MYO5B: variants seen among roughly 807,000 people sequenced by gnomAD.
The protein encoded by MYO5B is unconventional myosin-Vb.
Under a neutral mutation model 229.3 loss-of-function variants are expected in MYO5B, and 143 were observed. The observed-to-expected ratio is 0.62, with a 90% CI of 0.54 to 0.72. MYO5B has a LOEUF of 0.72. MYO5B is among the 30% of genes least tolerant of loss of function. The pLI, the probability that MYO5B is intolerant of heterozygous loss-of-function variation, is 0.00. For missense variants in MYO5B, 2,321 were observed against 2,331.0 expected (o/e 1.00, Z 0.09); for synonymous variants, 918 against 885.2 (o/e 1.04, Z -0.66).
At chr18:49,852,736 A>C (rs2024216609) in intron 31 of MYO5B, among the ~76,000 whole-genome samples, 1 of 152,022 alleles carries the variant, frequency 6.6e-6, no homozygotes, top group African/African-American at 2.4e-5. Context: ...CCCCTCTGCC[A>C]GTCTCCATGA....
intron 18 of MYO5B, among the ~76,000 whole-genome samples, chr18:49,908,936 A>T (rs554030498): frequency 6.6e-6 from 1 of 152,198 alleles, no homozygotes; most frequent in African/African-American, 2.4e-5. Flanking sequence ...TTTCTCCCCT[A>T]AACAACCACA....
At chr18:49,832,060 G>A (rs1430710843) in intron 39 of MYO5B, among the ~76,000 whole-genome samples, 1 of 152,164 alleles carries the variant, frequency 6.6e-6, no homozygotes, top group Non-Finnish European at 1.5e-5. Flanking sequence ...TGAAGGGAAG[G>A]GAGAATATTA....
intron 4 of MYO5B, among the ~76,000 whole-genome samples, chr18:50,025,825 A>G (rs930228859): frequency 6.6e-6 from 1 of 152,176 alleles, no homozygotes. Flanking sequence ...CCAGTCCACA[A>G]AGATCACTGC....
At chr18:49,883,728 T>C (rs1367578854) in intron 22 of MYO5B, among the ~76,000 whole-genome samples, 1 of 152,172 alleles carries the variant, frequency 6.6e-6, no homozygotes, top group Non-Finnish European at 1.5e-5. Context: ...TTTTAAAACT[T>C]ACTAGAAGAT....
rs550714440 is a variant in MYO5B at position 49,857,771 on chromosome 18, G to A, written c.3945-881C>T. Among the ~76,000 whole-genome samples, 5 of 152,296 alleles carry A rather than the reference G, an allele frequency of 3.3e-5. No homozygotes were observed. In the South Asian group the frequency reaches 8.3e-4, roughly 25 times the overall value. ...CTCCTGGAGGTCAGGTGTGTCCAAT[G>A]TTCCACCTCCACCTAGGTCCTCAAC... On this transcript the variant is annotated intron_variant, in intron 29 of 39. Transcript: ENST00000285039.
rs1332381286 is a variant in MYO5B, at chr18:49,953,248, G to A, written c.1752+12C>T. 6.2e-7 allele frequency: 1 copy of A among 1,612,744 alleles called. No homozygotes were observed. Among genetic ancestry groups the A allele is most frequent in the African/African-American group, 1.3e-5 (1 of 74,822 alleles). ...CATTCCTGCTCCACTCCCCACTTCT[G>A]ACACTCTTTACCTTGCTGGCCTTCA... is the stretch of plus-strand genomic sequence containing the variant. On this transcript the variant is annotated intron_variant, in intron 14 of 39. Transcript: ENST00000285039.
chr18:49,927,897 G>A (rs1434852669), intron 17 of MYO5B, among the ~76,000 whole-genome samples: 1 of 152,104 alleles, frequency 6.6e-6, no homozygotes, highest in Non-Finnish European at 1.5e-5. Context: ...AAGTAGACGG[G>A]ACTTAAACTA....
At chr18:49,901,748 A>G (rs1197872262) in intron 21 of MYO5B, among the ~76,000 whole-genome samples, 1 of 152,254 alleles carries the variant, frequency 6.6e-6, no homozygotes, top group Non-Finnish European at 1.5e-5. Flanking sequence ...CAGAAGGGCA[A>G]AGTGATGCAG....
rs75672506 is a variant in MYO5B at position 50,083,304 on chromosome 18, G to A, written c.28-27926C>T. Among the ~76,000 whole-genome samples the A allele has an allele frequency of 2.0e-5, 3 of 152,194 alleles. No individual in the cohort carries two copies. The East Asian group carries it at 5.8e-4, about 29-fold the overall frequency. ...GAGTTTTTTAAAGTTTCATGACATG[G>A]GCATGACAGATTAGCCATTGATGAT... is the stretch of plus-strand genomic sequence containing the variant. On this transcript the variant is annotated intron_variant, in intron 1 of 39. Coordinates refer to ENST00000285039, the MANE Select transcript of MYO5B (RefSeq NM_001080467.3).
chr18:49,881,892 G>A (rs181934767), intron 22 of MYO5B, among the ~76,000 whole-genome samples: 1 of 152,142 alleles, frequency 6.6e-6, no homozygotes, highest in East Asian at 1.9e-4. Flanking sequence ...TTTTTAAAAA[G>A]TAACAATTCA....
In MYO5B at chr18:49,868,358, T is replaced by C. The variant is rs765094147; in HGVS notation, c.3603+3809A>G. 3.7e-4 allele frequency among the ~76,000 whole-genome samples: 56 copies of C among 152,202 alleles called. 1 individual carries two copies. The highest frequency in any genetic ancestry group is 7.3e-5 in the Non-Finnish European group (5 of 68,028). On this transcript the variant is annotated intron_variant, in intron 27 of 39. Transcript: ENST00000285039. ...TCGAAGGATCTTCTCAACTGAGTCTTTTCTGATGCACGTTCAACATTGGAT... is the reference window on the plus strand; with the variant it reads ...TCGAAGGATCTTCTCAACTGAGTCTCTTCTGATGCACGTTCAACATTGGAT...
chr18:49,979,817 C>A (rs1330045459), intron 9 of MYO5B, among the ~76,000 whole-genome samples: 1 of 152,198 alleles, frequency 6.6e-6, no homozygotes, highest in African/African-American at 2.4e-5. Context: ...GAAGGCACAG[C>A]AATTGCTGTG....
intron 4 of MYO5B, among the ~76,000 whole-genome samples, chr18:50,009,260 C>G (rs2026136461): frequency 6.6e-6 from 1 of 152,066 alleles, no homozygotes; most frequent in African/African-American, 2.4e-5. Flanking sequence ...TGCTTGTAAT[C>G]CCAGCTACTT....
intron 1 of MYO5B, among the ~76,000 whole-genome samples, chr18:50,188,796 A>ACACAC (rs1381403631): frequency 2.4e-5 from 3 of 125,192 alleles, no homozygotes; most frequent in Admixed American, 7.9e-5. Flanking sequence ...AAAAAAAAAA[A>ACACAC]AAAAAAAAAA....
chr18:49,954,180 G>C, intron 13 of MYO5B, 133 bp downstream of exon 13: 1 of 1,358,786 alleles, frequency 7.4e-7, no homozygotes, highest in South Asian at 1.2e-5. Context: ...AAAAGAGGAT[G>C]GAAGGGGAAC....
At chr18:49,889,252 A>G (rs1250403506) in intron 22 of MYO5B, among the ~76,000 whole-genome samples, 1 of 152,232 alleles carries the variant, frequency 6.6e-6, no homozygotes, top group East Asian at 1.9e-4. Context: ...CACTCTTCAA[A>G]TGCATCTAAT....
At chr18:50,088,265 A>G (rs1325182824) in intron 1 of MYO5B, among the ~76,000 whole-genome samples, 1 of 152,182 alleles carries the variant, frequency 6.6e-6, no homozygotes, top group Non-Finnish European at 1.5e-5. Flanking sequence ...GCTGTAAGCT[A>G]CTGGAGGCTA....
At chr18:49,974,279 T>TG in intron 10 of MYO5B, 71 bp downstream of exon 10, 1 of 1,606,116 alleles carries the variant, frequency 6.2e-7, no homozygotes, top group Non-Finnish European at 8.5e-7. Context: ...CCAATGCCCC[T>TG]GCTGGCTGTA....
At chr18:50,038,575 G>A (rs935530572) in intron 3 of MYO5B, among the ~76,000 whole-genome samples, 2 of 152,130 alleles carry the variant, frequency 1.3e-5, no homozygotes, top group Non-Finnish European at 2.9e-5. Context: ...CACGTAGCAC[G>A]CAATTCACAT....
Sources: gnomAD v4.1 joint callset for allele counts (sites outside exome capture counted in the v4.1 genomes callset) on GRCh38, gnomAD v4.1.1 for gene constraint, MANE v1.5 for transcripts, NCBI Gene and HGNC (gene_info 2026-07-23, HGNC 2026-07-21) for gene names.